The following CEP170 variants were observed in gnomAD, a reference collection of about 807,000 sequenced individuals.
The protein encoded by CEP170 is centrosomal protein of 170 kDa.
Under a neutral mutation model 151.9 loss-of-function variants are expected in CEP170, and 21 were observed. The observed-to-expected ratio is 0.14, with a 90% confidence interval of 0.10 to 0.20. The LOEUF is 0.20. CEP170 is among the 10% of genes least tolerant of loss of function. The pLI is 1.00. For missense variants in CEP170, 964 were observed against 1,892.9 expected (o/e 0.51, Z 9.11); for synonymous variants, 356 against 648.8 (o/e 0.55, Z 6.86).
intron 10 of CEP170, among the ~76,000 whole-genome samples, chr1:243,174,472 T>A: frequency 6.6e-6 from 1 of 152,064 alleles, no homozygotes; most frequent in Non-Finnish European, 1.5e-5. Context: ...TTTAATGGTC[T>A]TATAGTACAG....
At chr1:243,182,985 T>TA (rs1186463872) in intron 10 of CEP170, among the ~76,000 whole-genome samples, 1 of 151,786 alleles carries the variant, frequency 6.6e-6, no homozygotes, top group African/African-American at 2.4e-5. Flanking sequence ...TTTTTTTTTT[T>TA]AACTGAATGA....
At chr1:243,199,312 A>G in intron 6 of CEP170, 118 bp from the exon 7 acceptor site, 1 of 1,015,506 alleles carries the variant, frequency 9.8e-7, no homozygotes, top group Non-Finnish European at 1.4e-6. Context: ...TATAGTCTTG[A>G]TAGCTAAAAT....
chr1:243,249,133 GA>G (rs1252629001), intron 1 of CEP170, among the ~76,000 whole-genome samples: 3 of 152,086 alleles, frequency 2.0e-5, no homozygotes, highest in African/African-American at 7.2e-5. Flanking sequence ...TTGAGGTGAA[GA>G]AAAATTCATG....
chr1:243,152,559 T>G (rs1381543234), intron 14 of CEP170, among the ~76,000 whole-genome samples: 2 of 92,714 alleles, frequency 2.2e-5, no homozygotes, highest in Non-Finnish European at 4.0e-5. Context: ...TGAGATAGAG[T>G]CTCGCTCTGT....
intron 1 of CEP170, among the ~76,000 whole-genome samples, chr1:243,242,255 G>A (rs556690778): frequency 6.6e-6 from 1 of 152,264 alleles, no homozygotes; most frequent in East Asian, 1.9e-4. Context: ...GTCTCGCTCT[G>A]TCGCCCAGGC....
intron 3 of CEP170, among the ~76,000 whole-genome samples, chr1:243,216,360 C>T (rs550833639): frequency 6.0e-5 from 9 of 150,826 alleles, no homozygotes; most frequent in African/African-American, 2.0e-4. Flanking sequence ...CCCCTCCCCC[C>T]GACCCCACAA....
intron 1 of CEP170, among the ~76,000 whole-genome samples, chr1:243,235,403 T>C (rs1440347471): frequency 6.6e-6 from 1 of 152,188 alleles, no homozygotes; most frequent in African/African-American, 2.4e-5. Context: ...ATTTAAAATC[T>C]CCACCCTTGT....
rs765815611 is a variant in CEP170, at chr1:243,126,510, C to G, written c.4694G>C (p.Ser1565Thr). 6.2e-7 allele frequency: 1 copy of G among 1,607,750 alleles called. No individual in the cohort carries two copies. The highest frequency in any genetic ancestry group is 8.5e-7 in the Non-Finnish European group (1 of 1,176,620). The change falls in exon 20 of 20, where the codon AGT (serine) becomes ACT (threonine). Residue 1565 changes from serine (S) to threonine (T), a missense_variant. Ser to Thr is a moderately conservative substitution (Grantham distance 58). Transcript: ENST00000366542. Reference protein sequence around the residue: ...FENAESEADFSIHFNRFNPDG... With the variant: ...FENAESEADFTIHFNRFNPDG... Reference sequence around the variant, plus strand: ...GGGGTTGAATCTATTGAAATGTATACTGAAATCAGCCTCAGATTCAGCATT... The same window carrying G: ...GGGGTTGAATCTATTGAAATGTATAGTGAAATCAGCCTCAGATTCAGCATT...
At chr1:243,143,952 C>A (rs528311154) in intron 14 of CEP170, among the ~76,000 whole-genome samples, 1 of 152,096 alleles carries the variant, frequency 6.6e-6, no homozygotes, top group African/African-American at 2.4e-5. Flanking sequence ...AAAAAGGGAA[C>A]TAAGTTGAAG....
intron 14 of CEP170, among the ~76,000 whole-genome samples, chr1:243,145,164 A>G (rs1558405178): frequency 6.6e-6 from 1 of 152,252 alleles, no homozygotes; most frequent in Admixed American, 6.5e-5. Context: ...AATTAAACAC[A>G]CAATCTTTGC....
chr1:243,173,360 G>A (rs747684643), intron 10 of CEP170, among the ~76,000 whole-genome samples: 20 of 151,460 alleles, frequency 1.3e-4, no homozygotes, highest in Non-Finnish European at 1.8e-4. Flanking sequence ...ATGCCTGGCC[G>A]AAAGTAACTA....
At chr1:243,253,448 A>G (rs1362656812) in intron 1 of CEP170, 1 of 152,258 alleles carries the variant, frequency 6.6e-6, no homozygotes, top group Non-Finnish European at 1.5e-5. Context: ...TGGGCAGACA[A>G]GTCAGTTAAC....
At chr1:243,202,151 A>G (rs904911340) in intron 4 of CEP170, among the ~76,000 whole-genome samples, 2 of 152,170 alleles carry the variant, frequency 1.3e-5, no homozygotes, top group African/African-American at 4.8e-5. Context: ...TTTTGCAGCA[A>G]CTTGTATGGA....
At chr1:243,178,506 G>A (rs1351884005) in intron 10 of CEP170, among the ~76,000 whole-genome samples, 2 of 152,016 alleles carry the variant, frequency 1.3e-5, no homozygotes, top group African/African-American at 4.8e-5. Flanking sequence ...CCAGGAGGCT[G>A]GGAGAGGAAG....
In CEP170 at chr1:243,200,622, G is replaced by A. The variant is rs1445754425; in HGVS notation, c.392C>T (p.Ser131Phe). ...TATGCTTTTGGCACTTGCAGATTTG[G>A]ATAATTCTGATTCTGAAGATTTTTG... ...LSQKSSESELSKSASAKSIDS... is the reference protein window; with the variant it reads ...LSQKSSESELFKSASAKSIDS... The change falls in exon 6 of 20, where the codon TCC becomes TTC. Residue 131 changes from serine to phenylalanine, a missense_variant. By Grantham distance (155) the Ser-to-Phe change is radical. Coordinates refer to ENST00000366542, the MANE Select transcript of CEP170 (RefSeq NM_014812.3). 13 of 1,554,354 alleles carry A rather than the reference G, an allele frequency of 8.4e-6. No homozygotes were observed. The highest frequency in any genetic ancestry group is 8.0e-5 in the Admixed American group (4 of 49,766).
In CEP170 at chr1:243,160,925, A is replaced by T. The variant is rs530425473; in HGVS notation, c.3676+3359T>A. Among the ~76,000 whole-genome samples the T allele has an allele frequency of 3.6e-4, 51 of 139,760 alleles. 3 individuals are homozygous for T. In the South Asian group the frequency reaches 0.012, roughly 33 times the overall value. 91.7% of individuals were successfully genotyped at this position (139,760 alleles called of 152,430 possible). On this transcript the variant is annotated intron_variant, in intron 13 of 19. Coordinates refer to ENST00000366542, the MANE Select transcript of CEP170 (RefSeq NM_014812.3). The stretch of plus-strand genomic sequence containing the variant: ...ATTTTCTAAAATGTGCACTTAAAAC[A>T]TAATGAAAACCAAGTGCTTTATTTT...
intron 13 of CEP170, among the ~76,000 whole-genome samples, chr1:243,158,226 G>C (rs951982632): frequency 6.6e-6 from 1 of 152,102 alleles, no homozygotes; most frequent in Non-Finnish European, 1.5e-5. Context: ...AAACAAATTT[G>C]TACGTTTCAA....
intron 17 of CEP170, among the ~76,000 whole-genome samples, chr1:243,131,369 G>A (rs1226717187): frequency 6.6e-6 from 1 of 152,050 alleles, no homozygotes; most frequent in Non-Finnish European, 1.5e-5. Context: ...GCAGATGCCT[G>A]TAGTCCTAGC....
intron 7 of CEP170, among the ~76,000 whole-genome samples, chr1:243,194,849 TA>T (rs1222001460): frequency 2.0e-5 from 3 of 151,930 alleles, no homozygotes; most frequent in Non-Finnish European, 4.4e-5. Context: ...TACTAGATTT[TA>T]AAAAATTATT....
Sources: allele counts gnomAD v4.1 joint callset (sites outside exome capture counted in the v4.1 genomes callset), GRCh38; gene constraint gnomAD v4.1.1; transcripts MANE v1.5; gene names NCBI Gene and HGNC (gene_info 2026-07-23, HGNC 2026-07-21).